The following CPS1 variants were observed in gnomAD, a reference collection of about 807,000 sequenced individuals.
CPS1 encodes the protein carbamoyl-phosphate synthase [ammonia], mitochondrial.
CPS1 carries 109 observed loss-of-function variants against 174.6 expected under a neutral mutation model. That is an observed-to-expected ratio of 0.62 (90% CI 0.53 to 0.73). The LOEUF (loss-of-function observed/expected upper bound fraction) is 0.73. Among genes scored for constraint, CPS1 ranks in the 30% least tolerant of loss-of-function variants. CPS1 has a pLI of 0.00. For synonymous variants in CPS1, 637 were observed against 632.0 expected (o/e 1.01, Z -0.12); for missense variants, 1,689 against 1,821.9 (o/e 0.93, Z 1.33).
At position 210,642,499 on chromosome 2, in the gene CPS1, T is replaced by A. The variant is rs990390709; in HGVS notation, c.2975T>A (p.Phe992Tyr). The change falls in exon 25 of 38, where the codon TTT (phenylalanine) becomes TAT (tyrosine). Residue 992 changes from phenylalanine to tyrosine, a missense_variant. By Grantham distance (22) the Phe-to-Tyr change is conservative. Coordinates refer to ENST00000233072, the MANE Select transcript of CPS1 (RefSeq NM_001875.5). ...GTCTCTGCAGGCAGCAGTGTGGAAT[T>A]TGATTGGTGTGCTGTCTCTAGTATC... is the stretch of plus-strand genomic sequence containing the variant. ...GPYHIGSSVE[F>Y]DWCAVSSIRT... 14 of 1,613,962 alleles carry A rather than the reference T, an allele frequency of 8.7e-6. No individual in the cohort carries two copies. The highest frequency in any genetic ancestry group is 1.2e-5 in the Non-Finnish European group (14 of 1,179,846).
chr2:210,622,574 C>T (rs935608152), intron 21 of CPS1, among the ~76,000 whole-genome samples: 3 of 151,732 alleles, frequency 2.0e-5, no homozygotes, highest in African/African-American at 7.3e-5. Context: ...AAGGTTTCTA[C>T]TATATTATTA....
At chr2:210,616,341 G>A in intron 20 of CPS1, 82 bp from the exon 21 acceptor site, 1 of 900,586 alleles carries the variant, frequency 1.1e-6, no homozygotes, top group Non-Finnish European at 1.9e-6. Context: ...ACACACAGAG[G>A]CATGACTGCT....
At chr2:210,541,989 T>C (rs1366793592) in intron 1 of CPS1, among the ~76,000 whole-genome samples, 1 of 152,144 alleles carries the variant, frequency 6.6e-6, no homozygotes, top group East Asian at 1.9e-4. Flanking sequence ...TGTGCCACCT[T>C]CAAAATTCCA....
At position 210,639,087 on chromosome 2, in the gene CPS1, T is replaced by A. The variant is rs1038258201; in HGVS notation, c.2830-63T>A. On this transcript the variant is annotated intron_variant, in intron 22 of 37. Coordinates refer to ENST00000233072, the MANE Select transcript of CPS1 (RefSeq NM_001875.5). ...GAATATGTATATAAAGCACAAAAAATTTAGTCTTGAAAAAATTATAATAAC... is the reference window on the plus strand; with the variant it reads ...GAATATGTATATAAAGCACAAAAAAATTAGTCTTGAAAAAATTATAATAAC... The A allele has an allele frequency of 2.9e-6, 4 of 1,359,222 alleles. No homozygotes were observed. The African/African-American group carries it at 5.8e-5, about 20-fold the overall frequency. 84.2% of individuals were successfully genotyped at this position (1,359,222 alleles called of 1,614,324 possible). A position where few individuals can be genotyped will look rare whatever the true frequency, so the allele number is the denominator to read the frequency against.
rs1334503811 is a variant in CPS1 at position 210,654,135 on chromosome 2, G to A, written c.3558+33G>A. ...CTTTATTCTCATCTCCTTCATTCCT[G>A]CCTTCTCATCATTTTTTTCTTTAAC... On this transcript the variant is annotated intron_variant, in intron 29 of 37. Transcript: ENST00000233072. The A allele has an allele frequency of 2.5e-6, 4 of 1,570,818 alleles. No individual in the cohort carries two copies. In the African/African-American group the frequency reaches 4.1e-5, roughly 16 times the overall value.
At chr2:210,560,227 C>T (rs904769373) in intron 1 of CPS1, among the ~76,000 whole-genome samples, 2 of 151,860 alleles carry the variant, frequency 1.3e-5, no homozygotes, top group African/African-American at 4.8e-5. Context: ...TTCATTCATT[C>T]ATTCATTTAT....
At chr2:210,674,170 C>T (rs1432206575) in intron 34 of CPS1, 1 of 152,120 alleles carries the variant, frequency 6.6e-6, no homozygotes, top group African/African-American at 2.4e-5. Flanking sequence ...AAAATTAGAA[C>T]TTAGAAATAA....
At chr2:210,604,976 G>T in intron 16 of CPS1, 126 bp from the exon 17 acceptor site, 1 of 978,076 alleles carries the variant, frequency 1.0e-6, no homozygotes, top group Non-Finnish European at 1.6e-6. Context: ...CTGTGCAGGG[G>T]AGAATGGAGA....
intron 1 of CPS1, among the ~76,000 whole-genome samples, chr2:210,482,390 A>G (rs1410654929): frequency 6.8e-6 from 1 of 147,140 alleles, no homozygotes. Context: ...CACTCAGCTC[A>G]CTCTCGGGTT....
At chr2:210,544,662 G>A (rs1008145074) in intron 1 of CPS1, among the ~76,000 whole-genome samples, 3 of 151,844 alleles carry the variant, frequency 2.0e-5, no homozygotes, top group Admixed American at 1.3e-4. Context: ...AGTTTGAGAG[G>A]GTAGCTATTC....
intron 21 of CPS1, among the ~76,000 whole-genome samples, chr2:210,634,923 A>G (rs1419810196): frequency 1.3e-5 from 2 of 151,748 alleles, no homozygotes; most frequent in Admixed American, 6.6e-5. Context: ...ACACCTGTCA[A>G]CTCCTTTATC....
chr2:210,479,992 G>A (rs190512081), intron 1 of CPS1, among the ~76,000 whole-genome samples: 2 of 152,238 alleles, frequency 1.3e-5, no homozygotes, highest in East Asian at 3.9e-4. Context: ...ATTTCAAAAT[G>A]TTATAATGTA....
intron 5 of CPS1, 130 bp downstream of exon 5, chr2:210,579,900 A>G: frequency 1.3e-6 from 1 of 751,996 alleles, no homozygotes; most frequent in South Asian, 1.5e-5. Flanking sequence ...AGCTTCTGCT[A>G]TCTGGGTCTC....
intron 21 of CPS1, chr2:210,618,503 T>C (rs747304938): frequency 6.6e-6 from 1 of 152,104 alleles, no homozygotes; most frequent in Non-Finnish European, 1.5e-5. Flanking sequence ...CCTGAACTCA[T>C]TATCTGAGTG....
chr2:210,659,832 A>C (rs1303634303), intron 31 of CPS1, among the ~76,000 whole-genome samples: 1 of 152,220 alleles, frequency 6.6e-6, no homozygotes, highest in East Asian at 1.9e-4. Context: ...GTGTGTGTGC[A>C]TGAGCATGTA....
intron 4 of CPS1, 72 bp from the exon 5 acceptor site, chr2:210,579,642 T>G: frequency 1.6e-6 from 2 of 1,253,746 alleles, no homozygotes; most frequent in Non-Finnish European, 2.3e-6. Flanking sequence ...GAGGCCAAGT[T>G]TGTAACTTGA....
chr2:210,677,497 G>A (rs78484073), intron 37 of CPS1, among the ~76,000 whole-genome samples: 4,105 of 152,304 alleles, frequency 0.027, 73 homozygotes, highest in Non-Finnish European at 0.041. Flanking sequence ...TCCAGATGTA[G>A]CACAAGTGCT....
intron 21 of CPS1, among the ~76,000 whole-genome samples, chr2:210,636,808 G>A (rs1184649906): frequency 1.3e-5 from 2 of 152,136 alleles, no homozygotes; most frequent in Non-Finnish European, 2.9e-5. Context: ...AGTTGAGAAG[G>A]TAAAAGGAAT....
intron 21 of CPS1, chr2:210,618,325 T>C (rs1397721080): frequency 6.6e-6 from 1 of 152,132 alleles, no homozygotes; most frequent in Non-Finnish European, 1.5e-5. Context: ...ACTCTTTATG[T>C]AAAGCTTTAT....
Sources: allele counts gnomAD v4.1 joint callset (sites outside exome capture counted in the v4.1 genomes callset), GRCh38; gene constraint gnomAD v4.1.1; transcripts MANE v1.5; gene names NCBI Gene and HGNC (gene_info 2026-07-23, HGNC 2026-07-21).